The following TRIM36 variants were observed in gnomAD, a reference collection of about 807,000 sequenced individuals.
The protein encoded by TRIM36 is tripartite motif containing 36.
TRIM36 carries 42 observed loss-of-function variants against 72.4 expected under a neutral mutation model. The observed-to-expected ratio is 0.58, with a 90% CI of 0.45 to 0.75. TRIM36 has a LOEUF of 0.75. Among genes scored for constraint, TRIM36 ranks in the 30% least tolerant of loss-of-function variants. TRIM36 has a pLI of 0.00. For synonymous variants in TRIM36, 315 were observed against 282.8 expected, an observed-to-expected ratio of 1.11 and a Z score of -1.14; for missense variants, 913 against 857.1, an observed-to-expected ratio of 1.07 and a Z score of -0.81.
intron 7 of TRIM36, among the ~76,000 whole-genome samples, chr5:115,136,460 G>C (rs1173105252): frequency 2.0e-5 from 3 of 152,166 alleles, no homozygotes; most frequent in East Asian, 3.9e-4. Context: ...GAGTCACTCA[G>C]TCTATGGTAC....
At chr5:115,176,495 TA>T (rs1755346087) in intron 1 of TRIM36, among the ~76,000 whole-genome samples, 2 of 136,358 alleles carry the variant, frequency 1.5e-5, no homozygotes, top group South Asian at 4.3e-4. Flanking sequence ...AAGCCTCTCT[TA>T]TTTTGCTGAA....
chr5:115,159,918 A>C (rs1754386897), intron 2 of TRIM36, among the ~76,000 whole-genome samples: 1 of 152,084 alleles, frequency 6.6e-6, no homozygotes, highest in Non-Finnish European at 1.5e-5. Flanking sequence ...TTCTATATAG[A>C]TTTGTATTTT....
intron 2 of TRIM36, among the ~76,000 whole-genome samples, chr5:115,155,754 C>G (rs1754146869): frequency 6.6e-6 from 1 of 152,150 alleles, no homozygotes; most frequent in African/African-American, 2.4e-5. Flanking sequence ...ATAACTGGAA[C>G]AAGACAAGGA....
rs1247225338 is a variant in TRIM36 at position 115,137,392 on chromosome 5, A to G, written c.1056T>C (p.Phe352=). 6.2e-7 allele frequency: 1 copy of G among 1,612,222 alleles called. No homozygotes were observed. Among genetic ancestry groups the G allele is most frequent in the Non-Finnish European group, 8.5e-7 (1 of 1,179,550 alleles). Residue 352 remains phenylalanine (F), a synonymous_variant, in exon 6 of 10, where the codon TTT becomes TTC. Coordinates refer to ENST00000513154, the MANE Select transcript of TRIM36 (RefSeq NM_001300759.2). ...GGTGGAGCTGCTTTGCTGTCTGCAC[A>G]AAGCAAGACTGATCTGTCTCCTTTA... is the stretch of plus-strand genomic sequence containing the variant. ...EVLKETDQSC[F]VQTAKQLHLR... is the part of the protein sequence containing the mutation.
In TRIM36 at chr5:115,130,588, C is replaced by T. The variant is rs1352284113; in HGVS notation, c.1796+4G>A. 1 of 1,609,228 alleles carries T rather than the reference C, an allele frequency of 6.2e-7. No individual in the cohort carries two copies. The highest frequency in any genetic ancestry group is 1.3e-5 in the African/African-American group (1 of 74,576). The stretch of plus-strand genomic sequence containing the variant: ...TCAAGTTCTAGATCAATACAAAAAC[C>T]TACCTTGGACTAACTGCATCCCGGG... On this transcript the variant is annotated splice_donor_region_variant and intron_variant, in intron 9 of 9. Transcript: ENST00000513154.
intron 1 of TRIM36, among the ~76,000 whole-genome samples, chr5:115,176,064 G>A (rs1209735727): frequency 6.6e-6 from 1 of 152,104 alleles, no homozygotes; most frequent in Non-Finnish European, 1.5e-5. Context: ...AGTGAAGGTT[G>A]CAGTGAGCCT....
intron 2 of TRIM36, chr5:115,149,170 T>A (rs1300675081): frequency 6.6e-6 from 1 of 152,170 alleles, no homozygotes; most frequent in Non-Finnish European, 1.5e-5. Flanking sequence ...TATATTCAGA[T>A]AATAATTCTA....
At chr5:115,180,004 A>G (rs943662645) in exon 1 of TRIM36, 13 of 1,614,118 alleles carry the variant, frequency 8.1e-6, no homozygotes, top group Non-Finnish European at 1.1e-5. Context: ...TCCATGATGT[A>G]GCCAAATTCA....
At chr5:115,177,543 A>AT (rs1755390977) in intron 1 of TRIM36, 3 of 1,384,126 alleles carry the variant, frequency 2.2e-6, no homozygotes, top group East Asian at 5.4e-5. Context: ...AAGGTCTGCT[A>AT]TTCCATGGTT....
chr5:115,143,497 T>TA (rs889787235), intron 4 of TRIM36, among the ~76,000 whole-genome samples: 42 of 146,702 alleles, frequency 2.9e-4, no homozygotes, highest in East Asian at 1.6e-3. Context: ...AAACTTTAAT[T>TA]AAAAAAAAAA....
At chr5:115,171,143 G>A (rs780224904), upstream of TRIM36, 3 of 1,614,206 alleles carry the variant, frequency 1.9e-6, no homozygotes, top group Non-Finnish European at 2.5e-6. Context: ...TCCTGTTTGG[G>A]AGAAGTCTGT....
chr5:115,134,321 T>C (rs1435423795), intron 7 of TRIM36, among the ~76,000 whole-genome samples, 174 bp from the exon 8 acceptor site: 3 of 151,894 alleles, frequency 2.0e-5, no homozygotes, highest in African/African-American at 7.2e-5. Context: ...AAATATTTTT[T>C]ATATTTAAAA....
intron 1 of TRIM36, chr5:115,177,750 C>G: frequency 1.2e-6 from 2 of 1,614,098 alleles, no homozygotes; most frequent in South Asian, 2.2e-5. Flanking sequence ...AGGAATTGTC[C>G]TAAGTTCTTC....
At chr5:115,137,662 T>G (rs765902602) in intron 5 of TRIM36, 46 bp from the exon 6 acceptor site, 1 of 1,507,016 alleles carries the variant, frequency 6.6e-7, no homozygotes, top group Non-Finnish European at 8.8e-7. Flanking sequence ...AAACAAAGAA[T>G]AGCCTCTTCT....
intron 8 of TRIM36, among the ~76,000 whole-genome samples, chr5:115,132,087 AG>A (rs2112776365): frequency 6.6e-6 from 1 of 152,110 alleles, no homozygotes; most frequent in South Asian, 2.1e-4. Context: ...GCACACCTTT[AG>A]TCCTAGCTAC....
intron 1 of TRIM36, among the ~76,000 whole-genome samples, chr5:115,165,744 A>C (rs1044396806): frequency 1.3e-5 from 2 of 151,800 alleles, no homozygotes; most frequent in African/African-American, 4.8e-5. Flanking sequence ...TCCTGGGTGC[A>C]ATTGCAGCCA....
At chr5:115,140,301 GAGA>G (rs979827245) in intron 5 of TRIM36, among the ~76,000 whole-genome samples, 1 of 152,108 alleles carries the variant, frequency 6.6e-6, no homozygotes, top group Non-Finnish European at 1.5e-5. Context: ...GTTTCAAATG[GAGA>G]AGAAAAACAA....
intron 2 of TRIM36, among the ~76,000 whole-genome samples, chr5:115,155,928 C>T (rs145206924): frequency 1.7e-3 from 262 of 152,224 alleles, no homozygotes; most frequent in African/African-American, 6.2e-3. Context: ...CAGAAAGCTC[C>T]TAAAACAGAT....
At chr5:115,170,142 C>T (rs969897842), upstream of TRIM36, among the ~76,000 whole-genome samples, 2 of 152,250 alleles carry the variant, frequency 1.3e-5, no homozygotes, top group African/African-American at 4.8e-5. Context: ...CGCATCAGCC[C>T]CTCCCTCCCA....
Sources: gnomAD v4.1 joint callset for allele counts (sites outside exome capture counted in the v4.1 genomes callset) on GRCh38, gnomAD v4.1.1 for gene constraint, MANE v1.5 for transcripts, NCBI Gene and HGNC (gene_info 2026-07-23, HGNC 2026-07-21) for gene names.